The following OR10A2 variants were observed in gnomAD, a reference collection of about 807,000 sequenced individuals.
OR10A2 encodes olfactory receptor 10A2.
OR10A2 carries 15 observed loss-of-function variants against 13.7 expected under a neutral mutation model. The ratio of observed to expected loss-of-function variants is 1.10; its 90% CI spans 0.73 to 1.69. The LOEUF (loss-of-function observed/expected upper bound fraction) is 1.69. OR10A2 is among the 40% of genes most tolerant of loss of function. The probability of loss-of-function intolerance (pLI) is 0.00; values close to 1 mark genes in which losing one functional copy is unlikely to be tolerated. For synonymous variants in OR10A2, 145 were observed against 144.7 expected (o/e 1.00, Z -0.02); for missense variants, 343 against 361.1 (o/e 0.95, Z 0.41).
chr11:6,870,171 C>G lies in OR10A2; in HGVS notation c.417C>G (p.Gly139=). The G allele has an allele frequency of 6.2e-7, 1 of 1,614,236 alleles. No individual in the cohort carries two copies. The highest frequency in any genetic ancestry group is 8.5e-7 in the Non-Finnish European group (1 of 1,180,048). Residue 139 remains glycine, a synonymous_variant, in exon 2 of 2, where the codon GGC becomes GGG. Transcript: ENST00000641461. ...AKLAAASWFP[G]FPVATVQTTW... ...TGGCTGCTGCCTCCTGGTTCCCAGG[C>G]TTTCCTGTAGCTACTGTGCAGACCA...
rs750477126 is a variant in OR10A2, at chr11:6,871,973, T to C, written c.*1307T>C. 2 of 152,210 alleles carry C rather than the reference T, an allele frequency of 1.3e-5. No homozygotes were observed. The highest frequency in any genetic ancestry group is 2.4e-5 in the African/African-American group (1 of 41,448). 9.4% of individuals were successfully genotyped at this position (152,210 alleles called of 1,614,324 possible). On this transcript the variant is annotated 3_prime_UTR_variant, in exon 2 of 2. Coordinates refer to ENST00000641461, the MANE Select transcript of OR10A2 (RefSeq NM_001004460.2). Reference sequence around the variant, plus strand: ...TCTATCTAGCTCCCCTCTGAACTTATTGCACCATTTTATGCTCCCACCAGC... The same window carrying C: ...TCTATCTAGCTCCCCTCTGAACTTACTGCACCATTTTATGCTCCCACCAGC...
At chr11:6,863,858 G>C (rs970597156) in intron 1 of OR10A2, among the ~76,000 whole-genome samples, 2 of 152,208 alleles carry the variant, frequency 1.3e-5, no homozygotes, top group Admixed American at 1.3e-4. Context: ...GGAAGTTCTA[G>C]AGCAAGTTTG....
At chr11:6,864,978 T>A (rs1016675005) in intron 1 of OR10A2, among the ~76,000 whole-genome samples, 7 of 146,334 alleles carry the variant, frequency 4.8e-5, no homozygotes, top group Non-Finnish European at 9.0e-5. Context: ...ATATATATAT[T>A]GTAAGATGAA....
Position 6,870,140 on chromosome 11 carries a change from C to A in OR10A2, c.386C>A (p.Ala129Asp), listed in dbSNP as rs201536283. The A allele has an allele frequency of 6.8e-5, 110 of 1,614,092 alleles. 1 individual carries two copies. Among genetic ancestry groups the A allele is most frequent in the Middle Eastern group, 1.6e-4 (1 of 6,084 alleles). Reference protein sequence around the residue: ...YPVIMNQRTRAKLAAASWFPG... With the variant: ...YPVIMNQRTRDKLAAASWFPG... ...GTCATCATGAACCAAAGGACTCGTG[C>A]CAAACTGGCTGCTGCCTCCTGGTTC... The change falls in exon 2 of 2, where the codon GCC becomes GAC. Residue 129 changes from alanine (A) to aspartate (D), a missense_variant. Ala to Asp is a moderately radical substitution (Grantham distance 126). Coordinates refer to ENST00000641461, the MANE Select transcript of OR10A2 (RefSeq NM_001004460.2).
rs569642265 is a variant in OR10A2 at position 6,874,109 on chromosome 11, G to C, written c.*3443G>C. On this transcript the variant is annotated 3_prime_UTR_variant, in exon 2 of 2. Coordinates refer to ENST00000641461, the MANE Select transcript of OR10A2 (RefSeq NM_001004460.2). The stretch of plus-strand genomic sequence containing the variant: ...ATATCTCTTATCATTGTTTCAGTCC[G>C]TGTGAATTGTATGATGCTATATTAT... The C allele has an allele frequency of 2.0e-5, 3 of 152,276 alleles. No homozygotes were observed. The highest frequency in any genetic ancestry group is 6.5e-5 in the Admixed American group (1 of 15,294). 9.4% of individuals were successfully genotyped at this position (152,276 alleles called of 1,614,324 possible). A position where few individuals can be genotyped will look rare whatever the true frequency, so the allele number is the denominator to read the frequency against.
At position 6,873,245 on chromosome 11, in the gene OR10A2, G is replaced by A. The variant is rs963033855; in HGVS notation, c.*2579G>A. 1 of 152,192 alleles carries A rather than the reference G, an allele frequency of 6.6e-6. No homozygotes were observed. Among genetic ancestry groups the A allele is most frequent in the East Asian group, 1.9e-4 (1 of 5,194 alleles). 9.4% of individuals were successfully genotyped at this position (152,192 alleles called of 1,614,324 possible). On this transcript the variant is annotated 3_prime_UTR_variant, in exon 2 of 2. Transcript: ENST00000641461. ...AAAATACATGCAACTTTAAAGACAA[G>A]GCATTAGTAGAAACAACATTTGGTT...
chr11:6,874,377 T>C lies in OR10A2; in HGVS notation c.*3711T>C, dbSNP rs1848465006. On this transcript the variant is annotated 3_prime_UTR_variant, in exon 2 of 2. Coordinates refer to ENST00000641461, the MANE Select transcript of OR10A2 (RefSeq NM_001004460.2). ...CAAATACATACAATAATGATTATTC[T>C]AAAATAAGAACTATGAAAGTGGTAT... The C allele has an allele frequency of 6.6e-6, 1 of 152,212 alleles. No individual in the cohort carries two copies. The highest frequency in any genetic ancestry group is 1.5e-5 in the Non-Finnish European group (1 of 68,038). 9.4% of individuals were successfully genotyped at this position (152,212 alleles called of 1,614,324 possible).
intron 1 of OR10A2, among the ~76,000 whole-genome samples, chr11:6,864,305 C>A (rs1262958700): frequency 3.5e-4 from 50 of 141,958 alleles, no homozygotes; most frequent in Admixed American, 4.9e-4. Context: ...GCGGTTCTAA[C>A]AAAAAAAAAA....
At chr11:6,863,741 A>C (rs563216873) in intron 1 of OR10A2, among the ~76,000 whole-genome samples, 2 of 152,300 alleles carry the variant, frequency 1.3e-5, no homozygotes, top group South Asian at 4.1e-4. Flanking sequence ...GATGGAGAAC[A>C]TCAGGGCAAA....
At chr11:6,865,663 T>C (rs1848374047) in intron 1 of OR10A2, among the ~76,000 whole-genome samples, 1 of 152,206 alleles carries the variant, frequency 6.6e-6, no homozygotes, top group South Asian at 2.1e-4. Flanking sequence ...TTGTCTTTTA[T>C]TATTTTAAAA....
rs754813591 is a variant in OR10A2 at position 6,870,072 on chromosome 11, A to G, written c.318A>G (p.Ala106=). 6.2e-7 allele frequency: 1 copy of G among 1,614,192 alleles called. No individual in the cohort carries two copies. ...AATGCTTCCTCCTGGCTACCATGGC[A>G]TATGACCGCTATGTGGCCATCTGCA... ...VAECFLLATM[A]YDRYVAICSP... is the part of the protein sequence containing the mutation. The change falls in exon 2 of 2, where the codon GCA becomes GCG. Residue 106 remains alanine (A), a synonymous_variant. Coordinates refer to ENST00000641461, the MANE Select transcript of OR10A2 (RefSeq NM_001004460.2).
chr11:6,870,984 TC>T lies in OR10A2; in HGVS notation c.*323del, dbSNP rs1332128041. On this transcript the variant is annotated 3_prime_UTR_variant, in exon 2 of 2. Transcript: ENST00000641461. Reference sequence around the variant, plus strand: ...TTTTTTGAGACGGAGTCTCGCTCTGTCCCCCAGGCTGGAGTGCAGTGGCGCA... The same window carrying T: ...TTTTTTGAGACGGAGTCTCGCTCTGTCCCCAGGCTGGAGTGCAGTGGCGCA... The T allele has an allele frequency of 8.4e-5, 14 of 166,288 alleles. No individual in the cohort carries two copies. The highest frequency in any genetic ancestry group is 1.7e-4 in the Non-Finnish European group (13 of 78,520). 10.3% of individuals were successfully genotyped at this position (166,288 alleles called of 1,614,324 possible). A position where few individuals can be genotyped will look rare whatever the true frequency, so the allele number is the denominator to read the frequency against.
At position 6,870,383 on chromosome 11, in the gene OR10A2, C is replaced by T; in HGVS notation, c.629C>T (p.Ala210Val). ...TTGTGTTCCTATACTCACATTGCTG[C>T]TGCCATCCTCAAGATCCCATCAGCT... is the stretch of plus-strand genomic sequence containing the variant. ...LILCSYTHIA[A>V]AILKIPSAKG... The change falls in exon 2 of 2, where the codon GCT becomes GTT. Residue 210 changes from alanine (A) to valine (V), a missense_variant. Ala to Val is a moderately conservative substitution (Grantham distance 64). Coordinates refer to ENST00000641461, the MANE Select transcript of OR10A2 (RefSeq NM_001004460.2). The T allele has an allele frequency of 1.2e-6, 2 of 1,614,228 alleles. No homozygotes were observed. Among genetic ancestry groups the T allele is most frequent in the Non-Finnish European group, 1.7e-6 (2 of 1,180,052 alleles).
rs972714710 is a variant in OR10A2 at position 6,872,305 on chromosome 11, A to T, written c.*1639A>T. On this transcript the variant is annotated 3_prime_UTR_variant, in exon 2 of 2. Coordinates refer to ENST00000641461, the MANE Select transcript of OR10A2 (RefSeq NM_001004460.2). ...TCCCATCTCTCAAGACCCCACTGTG[A>T]TTCCTCAAGAAGCAGAAATCACTCT... 3.3e-5 allele frequency: 5 copies of T among 152,152 alleles called. No homozygotes were observed. Among genetic ancestry groups the T allele is most frequent in the Non-Finnish European group, 5.9e-5 (4 of 68,014 alleles). 9.4% of individuals were successfully genotyped at this position (152,152 alleles called of 1,614,324 possible).
chr11:6,869,688 C>G lies in OR10A2; in HGVS notation c.-67C>G. 7.8e-7 allele frequency: 1 copy of G among 1,283,726 alleles called. No homozygotes were observed. The highest frequency in any genetic ancestry group is 1.1e-6 in the Non-Finnish European group (1 of 897,566). The allele number at this position is 1,283,726 out of a possible 1,614,324, so 79.5% of individuals were successfully genotyped here. ...AATCAATAATCTTTCTCCATGACCA[C>G]AGTTGGGGACTTCTGCCCACACTTA... On this transcript the variant is annotated 5_prime_UTR_variant, in exon 2 of 2. Coordinates refer to ENST00000641461, the MANE Select transcript of OR10A2 (RefSeq NM_001004460.2).
At position 6,870,488 on chromosome 11, in the gene OR10A2, C is replaced by A. The variant is rs201352225; in HGVS notation, c.734C>A (p.Thr245Asn). Residue 245 changes from threonine to asparagine, a missense_variant, in exon 2 of 2, where the codon ACC becomes AAC. Coordinates refer to ENST00000641461, the MANE Select transcript of OR10A2 (RefSeq NM_001004460.2). Reference protein sequence around the residue: ...VSLFYISLSLTYFRPKSNNSP... With the variant: ...VSLFYISLSLNYFRPKSNNSP... Reference sequence around the variant, plus strand: ...CTTTTCTATATATCATTAAGCCTCACCTACTTCCGGCCTAAATCAAATAAT... The same window carrying A: ...CTTTTCTATATATCATTAAGCCTCAACTACTTCCGGCCTAAATCAAATAAT... 8.1e-6 allele frequency: 13 copies of A among 1,614,084 alleles called. No homozygotes were observed. The highest frequency in any genetic ancestry group is 1.7e-5 in the Admixed American group (1 of 60,002).
rs1367929992 is a variant in OR10A2 at position 6,873,544 on chromosome 11, C to T, written c.*2878C>T. On this transcript the variant is annotated 3_prime_UTR_variant, in exon 2 of 2. Coordinates refer to ENST00000641461, the MANE Select transcript of OR10A2 (RefSeq NM_001004460.2). ...GGAAAGGATTCCAACAGAAGAGTGC[C>T]ACATGCACAAACACAGGAGTGCTGA... The T allele has an allele frequency of 6.6e-6, 1 of 152,148 alleles. No homozygotes were observed. The allele number at this position is 152,148 out of a possible 1,614,324, so 9.4% of individuals were successfully genotyped here.
intron 1 of OR10A2, among the ~76,000 whole-genome samples, chr11:6,867,497 C>T (rs1848388807): frequency 6.6e-6 from 1 of 152,158 alleles, no homozygotes; most frequent in African/African-American, 2.4e-5. Context: ...CAGGCATGAG[C>T]CACCGTGCCT....
rs1223071485 is a variant in OR10A2 at position 6,870,438 on chromosome 11, T to C, written c.684T>C (p.Cys228=). Residue 228 remains cysteine, a synonymous_variant, in exon 2 of 2, where the codon TGT becomes TGC. Transcript: ENST00000641461. ...GGAAGAATAAAGCCTTTTCTACATG[T>C]TCCTCACACCTCCTTGTTGTCTCTC... ...AKGKNKAFST[C]SSHLLVVSLF... The C allele has an allele frequency of 2.5e-6, 4 of 1,614,098 alleles. No individual in the cohort carries two copies. The African/African-American group carries it at 4.0e-5, about 16-fold the overall frequency.
Sources: allele counts gnomAD v4.1 joint callset (sites outside exome capture counted in the v4.1 genomes callset), GRCh38; gene constraint gnomAD v4.1.1; transcripts MANE v1.5; gene names NCBI Gene and HGNC (gene_info 2026-07-23, HGNC 2026-07-21).